Variants in TMEM266 observed in about 807,000 individuals in gnomAD.
The protein encoded by TMEM266 is transmembrane protein 266.
TMEM266 carries 33 observed loss-of-function variants against 50.5 expected under a neutral mutation model. The ratio of observed to expected loss-of-function variants is 0.65; its 90% CI spans 0.50 to 0.87. TMEM266 has a LOEUF of 0.87. TMEM266 is among the 40% of genes least tolerant of loss of function. The probability of loss-of-function intolerance (pLI) is 0.00; values close to 1 mark genes in which losing one functional copy is unlikely to be tolerated. For missense variants in TMEM266, 655 were observed against 695.1 expected (o/e 0.94, Z 0.65); for synonymous variants, 310 against 292.3 (o/e 1.06, Z -0.62).
At chr15:76,197,830 A>G (rs970690269) in intron 9 of TMEM266, among the ~76,000 whole-genome samples, 11 of 152,200 alleles carry the variant, frequency 7.2e-5, no homozygotes, top group East Asian at 3.9e-4. Context: ...ACCTCCAGGA[A>G]GCCTGGCCCA....
chr15:76,102,238 A>G (rs1416406078), intron 1 of TMEM266, among the ~76,000 whole-genome samples: 1 of 152,224 alleles, frequency 6.6e-6, no homozygotes, highest in Admixed American at 6.5e-5. Context: ...CTGCAAAGAC[A>G]GTTATCTTGA....
At chr15:76,188,992 C>T (rs1256510162) in intron 8 of TMEM266, among the ~76,000 whole-genome samples, 1 of 152,090 alleles carries the variant, frequency 6.6e-6, no homozygotes, top group Non-Finnish European at 1.5e-5. Context: ...CCAGTCTGGG[C>T]AACATGGCAA....
chr15:76,127,968 C>T (rs2037449943), intron 1 of TMEM266, among the ~76,000 whole-genome samples: 1 of 151,990 alleles, frequency 6.6e-6, no homozygotes, highest in Non-Finnish European at 1.5e-5. Context: ...TTTTAATAAG[C>T]CCTTTAGGTG....
At chr15:76,200,252 G>A (rs868648959) in intron 9 of TMEM266, among the ~76,000 whole-genome samples, 6 of 152,156 alleles carry the variant, frequency 3.9e-5, no homozygotes, top group South Asian at 4.1e-4. Context: ...GTATCCAGGG[G>A]ACTCCTGTAC....
chr15:76,143,358 AG>A (rs1280487643), intron 3 of TMEM266, among the ~76,000 whole-genome samples: 1 of 152,084 alleles, frequency 6.6e-6, no homozygotes, highest in African/African-American at 2.4e-5. Context: ...GTCCAGCTTC[AG>A]CCTCGTCCAC....
In TMEM266 at chr15:76,093,053, G is replaced by C. The variant is rs1429653527; in HGVS notation, c.-97+33037G>C. Among the ~76,000 whole-genome samples the C allele has an allele frequency of 2.6e-5, 4 of 151,654 alleles. No individual in the cohort carries two copies. In the East Asian group the frequency reaches 7.8e-4, roughly 29 times the overall value. ...GAACTCCTGACCTCGTGATCCACCC[G>C]CCTCGGCCTCCTAAAGTGCTGGGAT... is the stretch of plus-strand genomic sequence containing the variant. On this transcript the variant is annotated intron_variant, in intron 1 of 10. Transcript: ENST00000388942.
rs565252084 is a variant in TMEM266 at position 76,204,125 on chromosome 15, C to T, written c.1406C>T (p.Ala469Val). 17 of 1,613,074 alleles carry T rather than the reference C, an allele frequency of 1.1e-5. No individual in the cohort carries two copies. Among genetic ancestry groups the T allele is most frequent in the South Asian group, 4.4e-5 (4 of 91,076 alleles). ...GCCCCCCTCGCCCGGCCCAGCCCAG[C>T]GGGCTCGGCCCAAACCAGCCCCGAG... The change falls in exon 11 of 11, where the codon GCG becomes GTG. Residue 469 changes from alanine (A) to valine (V), a missense_variant. Ala to Val is a moderately conservative substitution (Grantham distance 64, BLOSUM62 0). Coordinates refer to ENST00000388942, the MANE Select transcript of TMEM266 (RefSeq NM_152335.3).
chr15:76,148,044 G>T (rs952904888), intron 3 of TMEM266, among the ~76,000 whole-genome samples: 7 of 152,230 alleles, frequency 4.6e-5, no homozygotes, highest in Admixed American at 1.3e-4. Context: ...ATATCCGTCC[G>T]TCCCCACCTG....
chr15:76,063,474 T>C (rs182244728), intron 1 of TMEM266, among the ~76,000 whole-genome samples: 1 of 152,304 alleles, frequency 6.6e-6, no homozygotes, highest in East Asian at 1.9e-4. Context: ...TTAGCACTAA[T>C]GGTTCTCTCC....
intron 1 of TMEM266, among the ~76,000 whole-genome samples, chr15:76,075,060 C>G (rs2036586228): frequency 6.6e-6 from 1 of 152,054 alleles, no homozygotes; most frequent in Non-Finnish European, 1.5e-5. Flanking sequence ...AGTTCTGTTT[C>G]AATCATGTTA....
intron 7 of TMEM266, 45 bp from the exon 8 acceptor site, chr15:76,175,514 C>T: frequency 6.6e-7 from 1 of 1,518,190 alleles, no homozygotes. Context: ...CTAGTCCAAG[C>T]CCTGCCACTG....
intron 2 of TMEM266, 51 bp from the exon 3 acceptor site, chr15:76,137,656 T>A: frequency 6.4e-7 from 1 of 1,556,754 alleles, no homozygotes; most frequent in Non-Finnish European, 8.9e-7. Context: ...TGGAAGAATT[T>A]TTTGGCCCTT....
chr15:76,203,986 G>C lies in TMEM266; in HGVS notation c.1267G>C (p.Gly423Arg), dbSNP rs749721963. 3 of 1,608,792 alleles carry C rather than the reference G, an allele frequency of 1.9e-6. No homozygotes were observed. The highest frequency in any genetic ancestry group is 2.6e-6 in the Non-Finnish European group (3 of 1,176,224). ...CCGCGAGGAGCCGTCCTCTGAGCCC[G>C]GCCCTTCTCCCCCGCCGCTGCCATC... is the stretch of plus-strand genomic sequence containing the variant. Residue 423 changes from glycine to arginine, a missense_variant, in exon 11 of 11, where the codon GGC becomes CGC. This residue lies in a region of TMEM266 where 455 missense variants were observed against 401.8 expected (regional missense o/e 1.13). Transcript: ENST00000388942.
Position 76,168,904 on chromosome 15 carries a change from G to A in TMEM266, c.457-912G>A, listed in dbSNP as rs78579784. On this transcript the variant is annotated intron_variant, in intron 5 of 10. Coordinates refer to ENST00000388942, the MANE Select transcript of TMEM266 (RefSeq NM_152335.3). This position sits in a 1 kb window ranked among gnomAD's most constrained non-coding sequence, Gnocchi z 4.4. Reference sequence around the variant, plus strand: ...GACGTTCAAGCCAGAAGGACAGGAAGGGGAAAGCCCTGCTGGCTTAGGCAC... The same window carrying A: ...GACGTTCAAGCCAGAAGGACAGGAAAGGGAAAGCCCTGCTGGCTTAGGCAC... Among the ~76,000 whole-genome samples, 24 of 152,354 alleles carry A rather than the reference G, an allele frequency of 1.6e-4. No homozygotes were observed. The East Asian group carries it at 4.2e-3, about 27-fold the overall frequency.
At chr15:76,155,412 T>C (rs1018100) in intron 3 of TMEM266, among the ~76,000 whole-genome samples, 77,798 of 152,034 alleles carry the variant, frequency 0.51, 20,067 homozygotes, top group South Asian at 0.61. Context: ...GCTCAGATTC[T>C]GTGACCCCTC....
intron 1 of TMEM266, among the ~76,000 whole-genome samples, chr15:76,125,154 C>T (rs755030170): frequency 2.6e-5 from 4 of 152,078 alleles, no homozygotes; most frequent in Admixed American, 6.6e-5. Context: ...GTAATCTGAA[C>T]GCTTATCTTG....
chr15:76,111,808 G>A (rs2037174749), intron 1 of TMEM266, among the ~76,000 whole-genome samples: 1 of 152,258 alleles, frequency 6.6e-6, no homozygotes, highest in South Asian at 2.1e-4. Flanking sequence ...ATTGATGACT[G>A]TACAAAATCC....
At chr15:76,090,392 T>C (rs546543518) in intron 1 of TMEM266, among the ~76,000 whole-genome samples, 2 of 148,372 alleles carry the variant, frequency 1.3e-5, no homozygotes, top group Non-Finnish European at 3.0e-5. Flanking sequence ...CTCAAGAGGC[T>C]GAGGCAGGAG....
rs545003188 is a variant in TMEM266, at chr15:76,090,312, C to T, written c.-97+30296C>T. ...TTCAAGACCAGCCTGGCCAACATGA[C>T]GAAACCTTGGCTCTACTAAAAATAC... On this transcript the variant is annotated intron_variant, in intron 1 of 10. Transcript: ENST00000388942. 2.3e-4 allele frequency among the ~76,000 whole-genome samples: 35 copies of T among 151,620 alleles called. No individual in the cohort carries two copies. In the East Asian group the frequency reaches 5.6e-3, roughly 24 times the overall value.
Sources: allele counts gnomAD v4.1 joint callset (sites outside exome capture counted in the v4.1 genomes callset), GRCh38; gene constraint gnomAD v4.1.1; regional missense constraint gnomAD v4.1.1; non-coding constraint Gnocchi (gnomAD v3.1); transcripts MANE v1.5; gene names NCBI Gene and HGNC (gene_info 2026-07-23, HGNC 2026-07-21).